SOX5: variants seen among roughly 807,000 people sequenced by gnomAD.
The protein encoded by SOX5 is SRY-box transcription factor 5.
SOX5 carries 9 observed loss-of-function variants against 92.0 expected under a neutral mutation model. The observed-to-expected ratio is 0.10, with a 90% CI of 0.06 to 0.17. The LOEUF is 0.17. Among genes scored for constraint, SOX5 ranks in the 10% least tolerant of loss-of-function variants. The pLI, the probability that SOX5 is intolerant of heterozygous loss-of-function variation, is 1.00. For synonymous variants in SOX5, 344 were observed against 336.3 expected, an observed-to-expected ratio of 1.02 and a Z score of -0.25; for missense variants, 642 against 944.5, an observed-to-expected ratio of 0.68 and a Z score of 4.20.
At chr12:23,857,600 A>G (rs968763289) in intron 2 of SOX5, among the ~76,000 whole-genome samples, 3 of 152,180 alleles carry the variant, frequency 2.0e-5, no homozygotes, top group Non-Finnish European at 4.4e-5. Context: ...GCCTGGTGAT[A>G]GTTACTTCTA....
At chr12:23,795,615 C>T (rs755750463) in intron 3 of SOX5, among the ~76,000 whole-genome samples, 27 of 151,992 alleles carry the variant, frequency 1.8e-4, no homozygotes, top group Middle Eastern at 3.4e-3. Context: ...GTGTATGTGC[C>T]TATTAACTGT....
chr12:23,840,120 G>A (rs1452146411), intron 3 of SOX5, among the ~76,000 whole-genome samples: 1 of 151,928 alleles, frequency 6.6e-6, no homozygotes, highest in Non-Finnish European at 1.5e-5. Flanking sequence ...AGCTAATAGT[G>A]AGTCCTGAAA....
At chr12:23,819,218 AC>A (rs372090388) in intron 3 of SOX5, among the ~76,000 whole-genome samples, 8 of 152,310 alleles carry the variant, frequency 5.3e-5, no homozygotes, top group African/African-American at 1.9e-4. Flanking sequence ...TTGTGTTACA[AC>A]CCTACAACAG....
At chr12:23,869,880 G>C (rs554155656) in intron 2 of SOX5, among the ~76,000 whole-genome samples, 1 of 152,158 alleles carries the variant, frequency 6.6e-6, no homozygotes, top group East Asian at 1.9e-4. Flanking sequence ...TATTATCACA[G>C]CCACAATTAA....
intron 1 of SOX5, among the ~76,000 whole-genome samples, chr12:24,391,804 A>G (rs996579393): frequency 2.0e-5 from 3 of 152,288 alleles, no homozygotes; most frequent in Non-Finnish European, 2.9e-5. Context: ...GGATTTCACT[A>G]ATTTCTTAAA....
At chr12:23,909,784 A>G (rs1057186651) in intron 1 of SOX5, among the ~76,000 whole-genome samples, 1 of 151,896 alleles carries the variant, frequency 6.6e-6, no homozygotes, top group African/African-American at 2.4e-5. Flanking sequence ...AAAAGTAATC[A>G]TCCATTGCTG....
chr12:24,267,785 A>G (rs1943206505), intron 3 of SOX5, among the ~76,000 whole-genome samples: 1 of 152,222 alleles, frequency 6.6e-6, no homozygotes, highest in African/African-American at 2.4e-5. Context: ...CCTCTTCATT[A>G]CAAATGATTG....
intron 6 of SOX5, among the ~76,000 whole-genome samples, chr12:23,732,285 G>A (rs2093422123): frequency 6.6e-6 from 1 of 152,102 alleles, no homozygotes; most frequent in Admixed American, 6.6e-5. Context: ...CATTTTTAAT[G>A]TCCTATTTCT....
chr12:23,670,701 G>A (rs2084632809), intron 6 of SOX5, among the ~76,000 whole-genome samples: 1 of 151,934 alleles, frequency 6.6e-6, no homozygotes, highest in Admixed American at 6.6e-5. Context: ...CAATGATAAG[G>A]CAAGCTCATA....
At chr12:23,779,812 T>C (rs56118836) in intron 3 of SOX5, among the ~76,000 whole-genome samples, 1,317 of 74,522 alleles carry the variant, frequency 0.018, 23 homozygotes, top group African/African-American at 0.082. Context: ...TATATATATA[T>C]ATACACACAC....
chr12:24,343,581 G>A (rs1038880026), intron 2 of SOX5, among the ~76,000 whole-genome samples: 9 of 152,026 alleles, frequency 5.9e-5, no homozygotes, highest in African/African-American at 1.2e-4. Context: ...ACTGTATCAC[G>A]CAGTCTTATG....
intron 1 of SOX5, among the ~76,000 whole-genome samples, chr12:24,453,168 G>A (rs1296615168): frequency 7.9e-5 from 12 of 151,874 alleles, no homozygotes; most frequent in African/African-American, 2.4e-4. Context: ...AACTACTGGT[G>A]GACAACCACA....
At chr12:24,477,363 A>G (rs1313257144) in intron 1 of SOX5, among the ~76,000 whole-genome samples, 1 of 152,032 alleles carries the variant, frequency 6.6e-6, no homozygotes, top group Non-Finnish European at 1.5e-5. Context: ...CGAACTCCTG[A>G]CCTCAAATGA....
Position 23,970,841 on chromosome 12 carries a change from A to ATATAATTTTTAAT in SOX5, c.-1-74818_-1-74817insATTAAAAATTATA. On this transcript the variant is annotated intron_variant, in intron 4 of 4. Coordinates refer to the SOX5 transcript ENST00000446891. ...ACATGGGACTTTATATATATATATAATTTTTTTTTTTTTTTAAGAAATGGG... is the reference window on the plus strand; with the variant it reads ...ACATGGGACTTTATATATATATATAATATAATTTTTAATTTTTTTTTTTTTTTTAAGAAATGGG... 4.1e-4 allele frequency among the ~76,000 whole-genome samples: 9 copies of ATATAATTTTTAAT among 21,878 alleles called. 2 individuals carry two copies. Among genetic ancestry groups the ATATAATTTTTAAT allele is most frequent in the Admixed American group, 2.3e-3 (3 of 1,296 alleles). The allele number at this position is 21,878 out of a possible 152,430, so 14.4% of individuals were successfully genotyped here.
intron 2 of SOX5, among the ~76,000 whole-genome samples, chr12:24,330,773 C>A (rs975910108): frequency 6.6e-6 from 1 of 152,160 alleles, no homozygotes. Flanking sequence ...TGCTAGAGAC[C>A]TAAACACAAT....
intron 8 of SOX5, among the ~76,000 whole-genome samples, chr12:23,610,280 A>T (rs972741474): frequency 6.6e-6 from 1 of 151,706 alleles, no homozygotes; most frequent in Non-Finnish European, 1.5e-5. Context: ...CCACTTTTCA[A>T]TAATAGGTTA....
At chr12:23,728,420 T>C (rs962161977) in intron 6 of SOX5, among the ~76,000 whole-genome samples, 15 of 152,188 alleles carry the variant, frequency 9.9e-5, no homozygotes, top group African/African-American at 2.9e-4. Context: ...TGCTCTTGTA[T>C]GTGTGCAGGG....
intron 2 of SOX5, among the ~76,000 whole-genome samples, chr12:24,302,184 A>G (rs1000298768): frequency 6.6e-6 from 1 of 152,174 alleles, no homozygotes; most frequent in African/African-American, 2.4e-5. Context: ...TCTCCTAAAG[A>G]TATTTCTATA....
At chr12:24,539,230 G>T (rs1204703310) in intron 1 of SOX5, among the ~76,000 whole-genome samples, 1 of 151,126 alleles carries the variant, frequency 6.6e-6, no homozygotes, top group Non-Finnish European at 1.5e-5. Flanking sequence ...AAAATGTTTA[G>T]AAAAGTCAAG....
Sources: allele counts gnomAD v4.1 joint callset (sites outside exome capture counted in the v4.1 genomes callset), GRCh38; gene constraint gnomAD v4.1.1; transcripts MANE v1.5; gene names NCBI Gene and HGNC (gene_info 2026-07-23, HGNC 2026-07-21).